The following CDH17 variants were observed in gnomAD, a reference collection of about 807,000 sequenced individuals.
CDH17 encodes the protein cadherin 17.
In CDH17, 67 loss-of-function variants were observed where a neutral mutation model predicts 86.3. The observed-to-expected ratio is 0.78, with a 90% CI of 0.64 to 0.95. The LOEUF (loss-of-function observed/expected upper bound fraction) is 0.95, where lower values mean the gene tolerates loss of function less well. Among genes scored for constraint, CDH17 ranks in the 40% least tolerant of loss-of-function variants. The pLI is 0.00. For missense variants in CDH17, 993 were observed against 1,017.6 expected (o/e 0.98, Z 0.33); for synonymous variants, 367 against 366.4 (o/e 1.00, Z -0.02).
chr8:94,146,585 GT>G (rs1812749678), intron 14 of CDH17, among the ~76,000 whole-genome samples: 1 of 152,216 alleles, frequency 6.6e-6, no homozygotes, highest in African/African-American at 2.4e-5. Context: ...ATGAGTGAAT[GT>G]TCTGGAAAAT....
At chr8:94,141,194 C>CA (rs1225582209) in intron 15 of CDH17, among the ~76,000 whole-genome samples, 1 of 150,950 alleles carries the variant, frequency 6.6e-6, no homozygotes, top group African/African-American at 2.4e-5. Flanking sequence ...TTAATAGGCC[C>CA]AAAAAATCAA....
In CDH17 at chr8:94,156,595, T is replaced by C. The variant is rs1174286182; in HGVS notation, c.1551+3376A>G. On this transcript the variant is annotated intron_variant, in intron 12 of 17. Transcript: ENST00000027335. ...TCTGACAGTTGTTTAATCTGAAGGATTGCTTTGGGCACTTGCCAAAATTAC... is the reference window on the plus strand; with the variant it reads ...TCTGACAGTTGTTTAATCTGAAGGACTGCTTTGGGCACTTGCCAAAATTAC... 2.0e-5 allele frequency among the ~76,000 whole-genome samples: 3 copies of C among 152,300 alleles called. No homozygotes were observed. In the East Asian group the frequency reaches 5.8e-4, roughly 29 times the overall value.
chr8:94,167,466 A>G (rs745475128), intron 9 of CDH17, among the ~76,000 whole-genome samples: 16 of 152,160 alleles, frequency 1.1e-4, no homozygotes, highest in Non-Finnish European at 1.8e-4. Flanking sequence ...TTGGGGGAGG[A>G]AAAAGAAAGT....
At chr8:94,196,823 A>T (rs1196909234) in intron 1 of CDH17, among the ~76,000 whole-genome samples, 2 of 152,162 alleles carry the variant, frequency 1.3e-5, no homozygotes, top group African/African-American at 4.8e-5. Flanking sequence ...CATGTTCAAC[A>T]CGGCGGCTCC....
intron 2 of CDH17, among the ~76,000 whole-genome samples, chr8:94,192,158 G>A (rs1813701951): frequency 6.6e-6 from 1 of 152,204 alleles, no homozygotes; most frequent in Non-Finnish European, 1.5e-5. Context: ...TTGCGTGCTT[G>A]TATTGGGGCA....
intron 1 of CDH17, among the ~76,000 whole-genome samples, chr8:94,195,251 C>A (rs1813760857): frequency 6.6e-6 from 1 of 152,212 alleles, no homozygotes; most frequent in African/African-American, 2.4e-5. Flanking sequence ...GATCTGCCTG[C>A]GTCGGCCTCC....
intron 9 of CDH17, among the ~76,000 whole-genome samples, chr8:94,167,586 T>C (rs1368880153): frequency 6.6e-6 from 1 of 152,252 alleles, no homozygotes; most frequent in Non-Finnish European, 1.5e-5. Context: ...CTAGTGCATA[T>C]GGCATGCATA....
intron 5 of CDH17, 100 bp downstream of exon 5, chr8:94,176,441 C>A: frequency 7.9e-7 from 1 of 1,267,390 alleles, no homozygotes; most frequent in Non-Finnish European, 1.1e-6. Context: ...TAAGATAGTG[C>A]TTATTGAGTG....
chr8:94,201,643 GT>G (rs1813914413), intron 1 of CDH17, among the ~76,000 whole-genome samples: 1 of 152,192 alleles, frequency 6.6e-6, no homozygotes, highest in African/African-American at 2.4e-5. Context: ...AATATCTGCT[GT>G]TTAAGCCTCC....
intron 9 of CDH17, among the ~76,000 whole-genome samples, chr8:94,168,097 AATATATATATATATATATATATAT>A (rs529264296): frequency 0.15 from 7,403 of 50,610 alleles, 706 homozygotes; most frequent in Non-Finnish European, 0.17. Context: ...TACACTGGGG[AATATATATATATATATATATATAT>A]ATATATATAT....
intron 9 of CDH17, among the ~76,000 whole-genome samples, chr8:94,170,170 TG>T (rs1352302160): frequency 6.6e-6 from 1 of 152,162 alleles, no homozygotes; most frequent in Non-Finnish European, 1.5e-5. Context: ...ATAGTGATAA[TG>T]GTAGTAGCGG....
intron 15 of CDH17, among the ~76,000 whole-genome samples, chr8:94,134,635 G>GT (rs58891595): frequency 6.6e-5 from 10 of 152,038 alleles, no homozygotes; most frequent in Middle Eastern, 6.8e-3. Context: ...TTTTTGAGGG[G>GT]TTTTTTGTGT....
chr8:94,207,872 G>C (rs1173554364), intron 1 of CDH17, among the ~76,000 whole-genome samples: 1 of 152,148 alleles, frequency 6.6e-6, no homozygotes, highest in African/African-American at 2.4e-5. Context: ...AAGGCCAAAA[G>C]CAGCCCAGGA....
chr8:94,144,289 G>T (rs541792710), intron 15 of CDH17, among the ~76,000 whole-genome samples: 92 of 152,050 alleles, frequency 6.1e-4, no homozygotes, highest in Non-Finnish European at 9.1e-4. Flanking sequence ...TATGGCTCCG[G>T]GTGTCCCAAA....
At chr8:94,185,572 C>G (rs543581420) in intron 3 of CDH17, among the ~76,000 whole-genome samples, 13 of 152,256 alleles carry the variant, frequency 8.5e-5, no homozygotes, top group African/African-American at 3.1e-4. Flanking sequence ...TCCTGATTGT[C>G]TTCAATGGAG....
At chr8:94,186,987 T>C (rs2613217) in intron 3 of CDH17, among the ~76,000 whole-genome samples, 60,718 of 152,054 alleles carry the variant, frequency 0.4, 12,899 homozygotes, top group South Asian at 0.5. Flanking sequence ...CTTTTTCCCA[T>C]CCTGTACTCA....
intron 7 of CDH17, 103 bp from the exon 8 acceptor site, chr8:94,171,088 G>T: frequency 2.5e-6 from 3 of 1,211,998 alleles, no homozygotes; most frequent in Non-Finnish European, 3.4e-6. Flanking sequence ...TGACAACCTT[G>T]TATGTTTGTG....
At chr8:94,142,300 C>T (rs1432362349) in intron 15 of CDH17, among the ~76,000 whole-genome samples, 1 of 152,154 alleles carries the variant, frequency 6.6e-6, no homozygotes, top group Non-Finnish European at 1.5e-5. Flanking sequence ...TTATACTATA[C>T]TCTAGACTGT....
At chr8:94,194,998 A>G (rs1294616971) in intron 1 of CDH17, among the ~76,000 whole-genome samples, 2 of 152,126 alleles carry the variant, frequency 1.3e-5, no homozygotes. Flanking sequence ...ATGGGCAATG[A>G]GTGTTTGTTT....
Sources: gnomAD v4.1 joint callset for allele counts (sites outside exome capture counted in the v4.1 genomes callset) on GRCh38, gnomAD v4.1.1 for gene constraint, MANE v1.5 for transcripts, NCBI Gene and HGNC (gene_info 2026-07-23, HGNC 2026-07-21) for gene names.